Variants in DTX1 observed in about 807,000 individuals in gnomAD.
The protein encoded by DTX1 is deltex E3 ubiquitin ligase 1.
DTX1 carries 26 observed loss-of-function variants against 57.8 expected under a neutral mutation model. The observed-to-expected ratio is 0.45, with a 90% CI of 0.33 to 0.62. The LOEUF (loss-of-function observed/expected upper bound fraction) is 0.62. Among genes scored for constraint, DTX1 ranks in the 20% least tolerant of loss-of-function variants. The probability of loss-of-function intolerance (pLI) is 0.02; values close to 1 mark genes in which losing one functional copy is unlikely to be tolerated. For missense variants in DTX1, 704 were observed against 895.3 expected (o/e 0.79, Z 2.73); for synonymous variants, 398 against 394.1 (o/e 1.01, Z -0.12).
intron 2 of DTX1, among the ~76,000 whole-genome samples, chr12:113,064,437 G>A (rs2044690256): frequency 6.6e-6 from 1 of 152,222 alleles, no homozygotes; most frequent in African/African-American, 2.4e-5. Flanking sequence ...CCTGGGCTGG[G>A]TCTTGGGGAC....
At chr12:113,096,648 C>T in intron 9 of DTX1, 67 bp from the exon 10 acceptor site, 1 of 1,471,816 alleles carries the variant, frequency 6.8e-7, no homozygotes, top group Non-Finnish European at 9.2e-7. Flanking sequence ...GGGAGGGAGG[C>T]TGAGGCTGGT....
intron 3 of DTX1, among the ~76,000 whole-genome samples, chr12:113,087,747 G>A (rs1323753815): frequency 6.6e-6 from 1 of 152,140 alleles, no homozygotes; most frequent in Non-Finnish European, 1.5e-5. Context: ...TATCCTGAAG[G>A]GGGCCAAGGC....
At chr12:113,075,067 A>G (rs964810543) in intron 2 of DTX1, among the ~76,000 whole-genome samples, 5 of 152,226 alleles carry the variant, frequency 3.3e-5, no homozygotes, top group Non-Finnish European at 7.3e-5. Context: ...TGGAATCATC[A>G]GAGTAGACAC....
In DTX1 at chr12:113,058,039, G is replaced by T. The variant is rs1161505343; in HGVS notation, c.-154G>T. On this transcript the variant is annotated 5_prime_UTR_variant, in exon 2 of 10. Coordinates refer to ENST00000548759, the MANE Select transcript of DTX1 (RefSeq NM_004416.3). ...GCCATCCCACATTCCTTTAACGGAGGTCTCTAGGCCTCAGAGAGAACCCAG... is the reference window on the plus strand; with the variant it reads ...GCCATCCCACATTCCTTTAACGGAGTTCTCTAGGCCTCAGAGAGAACCCAG... 5.6e-5 allele frequency: 70 copies of T among 1,251,162 alleles called. No individual in the cohort carries two copies. Among genetic ancestry groups the T allele is most frequent in the Non-Finnish European group, 7.0e-5 (65 of 933,010 alleles). 77.5% of individuals were successfully genotyped at this position (1,251,162 alleles called of 1,614,324 possible).
In DTX1 at chr12:113,077,041, C is replaced by T. The variant is rs1186919155; in HGVS notation, c.260-383C>T. Among the ~76,000 whole-genome samples, 1 of 152,076 alleles carries T rather than the reference C, an allele frequency of 6.6e-6. No homozygotes were observed. The highest frequency in any genetic ancestry group is 1.5e-5 in the Non-Finnish European group (1 of 67,982). ...AGGTGGAGGGTGGGGGAGCCCTCCA[C>T]ACCTTGCTGGTTTCCTACCCCAGGC... On this transcript the variant is annotated intron_variant, in intron 2 of 9. Coordinates refer to ENST00000548759, the MANE Select transcript of DTX1 (RefSeq NM_004416.3). This position sits in a 1 kb window ranked among gnomAD's most constrained non-coding sequence, Gnocchi z 7.8.
At chr12:113,078,150 GC>G in intron 3 of DTX1, 45 bp downstream of exon 3, 1 of 1,302,372 alleles carries the variant, frequency 7.7e-7, no homozygotes, top group Non-Finnish European at 9.8e-7. Context: ...TCGTCCGCAG[GC>G]AAGGACGAAG....
chr12:113,096,457 A>T (rs867151752), intron 9 of DTX1, among the ~76,000 whole-genome samples: 3 of 146,962 alleles, frequency 2.0e-5, no homozygotes, highest in Admixed American at 6.7e-5. Context: ...AAAAAAAAAA[A>T]AAAAAGAAAA....
chr12:113,076,373 C>T (rs756211964), intron 2 of DTX1, among the ~76,000 whole-genome samples: 4 of 151,144 alleles, frequency 2.6e-5, no homozygotes, highest in Admixed American at 2.6e-4. Flanking sequence ...GCAGGAGAAT[C>T]GCTTGAACCT....
At chr12:113,088,540 A>G (rs1732796) in intron 3 of DTX1, among the ~76,000 whole-genome samples, 125,896 of 152,146 alleles carry the variant, frequency 0.83, 52,242 homozygotes, top group African/African-American at 0.88. Context: ...GCACACCAGC[A>G]TGGCACATGT....
chr12:113,092,033 C>G (rs927422192), intron 3 of DTX1, among the ~76,000 whole-genome samples: 8 of 152,208 alleles, frequency 5.3e-5, no homozygotes, highest in Non-Finnish European at 1.0e-4. Context: ...GTCCTCCCAA[C>G]GACTATAAGT....
Position 113,077,928 on chromosome 12 carries a change from G to A in DTX1, c.764G>A (p.Gly255Asp). The A allele has an allele frequency of 1.7e-6, 2 of 1,151,036 alleles. No homozygotes were observed. Among genetic ancestry groups the A allele is most frequent in the Non-Finnish European group, 2.1e-6 (2 of 938,658 alleles). 71.3% of individuals were successfully genotyped at this position (1,151,036 alleles called of 1,614,324 possible). Residue 255 changes from glycine to aspartate, a missense_variant, in exon 3 of 10, where the codon GGC (glycine) becomes GAC (aspartate). By Grantham distance (94) the Gly-to-Asp change is moderately conservative (BLOSUM62 -1). This residue lies in a region of DTX1 where 299 missense variants were observed against 311.2 expected (regional missense o/e 0.96). Transcript: ENST00000548759. This position sits in a 1 kb window ranked among gnomAD's most constrained non-coding sequence, Gnocchi z 7.8. ...LAVRPSATFT[G>D]AALWAAPAAG... The stretch of plus-strand genomic sequence containing the variant: ...GTGCGCCCCAGCGCCACCTTCACAG[G>A]CGCCGCGCTCTGGGCAGCGCCCGCC...
At chr12:113,076,552 C>T (rs2044773456) in intron 2 of DTX1, among the ~76,000 whole-genome samples, 4 of 151,560 alleles carry the variant, frequency 2.6e-5, no homozygotes, top group South Asian at 2.1e-4. Flanking sequence ...TTGCTTGAGC[C>T]GAAGAGTTTG....
In DTX1 at chr12:113,077,863, G is replaced by A. The variant is rs889638818; in HGVS notation, c.699G>A (p.Pro233=). Residue 233 remains proline (P), a synonymous_variant, in exon 3 of 10, where the codon CCG becomes CCA. Transcript: ENST00000548759. The surrounding 1 kb of genome is among the most constrained non-coding windows in gnomAD (Gnocchi z 7.8). ...RRKAPPAPPL[P]PPPPPGGPPG... is the part of the protein sequence containing the mutation. ...AGGCGCCCCCCGCGCCCCCGCTGCCGCCGCCGCCGCCACCTGGAGGGCCTC... is the reference window on the plus strand; with the variant it reads ...AGGCGCCCCCCGCGCCCCCGCTGCCACCGCCGCCGCCACCTGGAGGGCCTC... The A allele has an allele frequency of 3.8e-6, 5 of 1,311,078 alleles. No individual in the cohort carries two copies. The highest frequency in any genetic ancestry group is 4.8e-6 in the Non-Finnish European group (5 of 1,040,178). 81.2% of individuals were successfully genotyped at this position (1,311,078 alleles called of 1,614,324 possible). A position where few individuals can be genotyped will look rare whatever the true frequency, so the allele number is the denominator to read the frequency against.
chr12:113,095,117 G>A lies in DTX1; in HGVS notation c.1462G>A (p.Glu488Lys). The A allele has an allele frequency of 6.2e-7, 1 of 1,613,848 alleles. No homozygotes were observed. The highest frequency in any genetic ancestry group is 1.1e-5 in the South Asian group (1 of 91,080). ...GGGTACGCAGCCGCCTGGGAAGATG[G>A]AGTTCCACCTCATCCCCCACTCGCT... Reference protein sequence around the residue: ...KTGTQPPGKMEFHLIPHSLPG... With the variant: ...KTGTQPPGKMKFHLIPHSLPG... Residue 488 changes from glutamate (E) to lysine (K), a missense_variant, in exon 8 of 10, where the codon GAG becomes AAG. Physicochemically the swap from Glu to Lys is moderately conservative, Grantham distance 56 (BLOSUM62 1). Around this residue, in one of 3 missense-constraint regions of DTX1, gnomAD observed 168 missense variants for 255.6 expected, o/e 0.66. Transcript: ENST00000548759.
chr12:113,057,997 T>G lies in DTX1; in HGVS notation c.-196T>G. 14 of 802,034 alleles carry G rather than the reference T, an allele frequency of 1.7e-5. No individual in the cohort carries two copies. Among genetic ancestry groups the G allele is most frequent in the South Asian group, 4.0e-5 (2 of 49,456 alleles). 49.7% of individuals were successfully genotyped at this position (802,034 alleles called of 1,614,324 possible). ...CGGAGAAGGCTCTACAGGGAAGGGG[T>G]CTTTGCAGCCTGGATGGCCATCCCA... is the stretch of plus-strand genomic sequence containing the variant. On this transcript the variant is annotated 5_prime_UTR_variant, in exon 2 of 10. Transcript: ENST00000548759.
In DTX1 at chr12:113,058,169, C is replaced by A; in HGVS notation, c.-24C>A. The A allele has an allele frequency of 6.3e-7, 1 of 1,578,916 alleles. No homozygotes were observed. The highest frequency in any genetic ancestry group is 8.6e-7 in the Non-Finnish European group (1 of 1,161,428). ...AGCTGGGCCTGCAATAGTGGGGGACCTGGCCCCTGAGGCAGTGGCGGCCAT... is the reference window on the plus strand; with the variant it reads ...AGCTGGGCCTGCAATAGTGGGGGACATGGCCCCTGAGGCAGTGGCGGCCAT... On this transcript the variant is annotated 5_prime_UTR_variant, in exon 2 of 10. The change creates a new upstream start codon in the 5' untranslated region. Coordinates refer to ENST00000548759, the MANE Select transcript of DTX1 (RefSeq NM_004416.3).
intron 2 of DTX1, among the ~76,000 whole-genome samples, chr12:113,076,413 G>C (rs2044772447): frequency 6.8e-6 from 1 of 147,624 alleles, no homozygotes; most frequent in Admixed American, 6.9e-5. Context: ...AGCCTAGATT[G>C]TGCCACTGTA....
intron 2 of DTX1, among the ~76,000 whole-genome samples, chr12:113,072,665 G>C (rs1241252466): frequency 1.3e-5 from 2 of 149,178 alleles, no homozygotes; most frequent in African/African-American, 4.9e-5. Flanking sequence ...TGTGGTACCA[G>C]CCAGGATTTG....
chr12:113,076,067 C>T (rs777042656), intron 2 of DTX1, among the ~76,000 whole-genome samples: 2 of 151,734 alleles, frequency 1.3e-5, no homozygotes, highest in Admixed American at 6.6e-5. Flanking sequence ...GGGGGGTGCA[C>T]ATTTTTAAAT....
Sources: allele counts gnomAD v4.1 joint callset (sites outside exome capture counted in the v4.1 genomes callset), GRCh38; gene constraint gnomAD v4.1.1; regional missense constraint gnomAD v4.1.1; non-coding constraint Gnocchi (gnomAD v3.1); transcripts MANE v1.5; gene names NCBI Gene and HGNC (gene_info 2026-07-23, HGNC 2026-07-21).